The following WARS2 variants were observed in gnomAD, a reference collection of about 807,000 sequenced individuals.
WARS2 encodes tryptophanyl tRNA synthetase 2, mitochondrial, also known as tryptophan--tRNA ligase, mitochondrial.
WARS2 carries 28 observed loss-of-function variants against 36.5 expected under a neutral mutation model. The observed-to-expected ratio is 0.77, with a 90% CI of 0.57 to 1.05. The LOEUF (loss-of-function observed/expected upper bound fraction) is 1.05. WARS2 is among the 50% of genes least tolerant of loss of function. The pLI is 0.00. For missense variants in WARS2, 435 were observed against 456.8 expected (o/e 0.95, Z 0.44); for synonymous variants, 174 against 178.4 (o/e 0.98, Z 0.20).
intron 1 of WARS2, among the ~76,000 whole-genome samples, chr1:119,099,555 TC>T (rs1206211147): frequency 6.6e-6 from 1 of 152,218 alleles, no homozygotes; most frequent in Non-Finnish European, 1.5e-5. Context: ...AACGCTTTGG[TC>T]TTACTAATGT....
At chr1:119,098,227 C>G (rs587706497) in intron 1 of WARS2, among the ~76,000 whole-genome samples, 48 of 152,096 alleles carry the variant, frequency 3.2e-4, no homozygotes, top group Admixed American at 5.9e-4. Flanking sequence ...CCAACCAGGG[C>G]AGCAGAGCGA....
Position 119,134,319 on chromosome 1 carries a change from C to CAAAAAAA in WARS2, c.90+6229_90+6235dup, listed in dbSNP as rs761321480. On this transcript the variant is annotated intron_variant, in intron 1 of 5. Transcript: ENST00000235521. ...CTCTGCTTTTTAGGAGGCAAAGGGG[C>CAAAAAAA]AAAAAAAAAAAAAAAAAAAAAACAA... Among the ~76,000 whole-genome samples the CAAAAAAA allele has an allele frequency of 7.6e-4, 50 of 65,782 alleles. 2 individuals are homozygous for CAAAAAAA. Among genetic ancestry groups the CAAAAAAA allele is most frequent in the Non-Finnish European group, 8.3e-4 (31 of 37,216 alleles). 43.2% of individuals were successfully genotyped at this position (65,782 alleles called of 152,430 possible). A position where few individuals can be genotyped will look rare whatever the true frequency, so the allele number is the denominator to read the frequency against.
At position 119,041,868 on chromosome 1, in the gene WARS2, T is replaced by C. The variant is rs114473032; in HGVS notation, c.515+396A>G. 4.3e-3 allele frequency among the ~76,000 whole-genome samples: 657 copies of C among 152,326 alleles called. 5 individuals are homozygous for C. The highest frequency in any genetic ancestry group is 0.015 in the African/African-American group (614 of 41,582). On this transcript the variant is annotated intron_variant, in intron 4 of 5. Coordinates refer to ENST00000235521, the MANE Select transcript of WARS2 (RefSeq NM_015836.4). The stretch of plus-strand genomic sequence containing the variant: ...AAATCCTGGCTCCAAGCCTTGCTAA[T>C]TACATGACTTTGGGCATGCTATTAA...
In WARS2 at chr1:119,140,598, A is replaced by G. The variant is rs1204105967; in HGVS notation, c.47T>C (p.Ile16Thr). The change falls in exon 1 of 6, where the codon ATC (isoleucine) becomes ACC (threonine). Residue 16 changes from isoleucine to threonine, a missense_variant. Coordinates refer to ENST00000235521, the MANE Select transcript of WARS2 (RefSeq NM_015836.4). ...MRKARERWSF[I>T]RALHKGSAAA... ...TGCGGATCCCTTATGAAGTGCCCGG[A>G]TGAAGCTCCAGCGCTCACGCGCTTT... 4.3e-6 allele frequency: 7 copies of G among 1,613,848 alleles called. No homozygotes were observed. In the Admixed American group the frequency reaches 1.0e-4, roughly 23 times the overall value.
intron 1 of WARS2, among the ~76,000 whole-genome samples, chr1:119,123,081 T>C (rs888857192): frequency 1.3e-5 from 2 of 152,106 alleles, no homozygotes; most frequent in African/African-American, 4.8e-5. Context: ...TCAAAGGAAA[T>C]AGTGACCACA....
chr1:119,102,065 G>C (rs1257501810), intron 1 of WARS2, among the ~76,000 whole-genome samples: 1 of 150,590 alleles, frequency 6.6e-6, no homozygotes, highest in African/African-American at 2.4e-5. Flanking sequence ...GGTGGCGGTG[G>C]GGGTTGGGGG....
At chr1:119,127,082 A>G (rs1025067941) in intron 1 of WARS2, 1 of 755,064 alleles carries the variant, frequency 1.3e-6, no homozygotes, top group Non-Finnish European at 2.4e-6. Context: ...AATCAGTAAG[A>G]CTCACTTCAA....
intron 2 of WARS2, among the ~76,000 whole-genome samples, chr1:119,053,725 G>A (rs897619602): frequency 2.0e-5 from 3 of 152,130 alleles, no homozygotes; most frequent in Non-Finnish European, 2.9e-5. Flanking sequence ...CATATGTCTG[G>A]CAAGCAGTTA....
intron 2 of WARS2, among the ~76,000 whole-genome samples, chr1:119,060,214 G>C (rs902162670): frequency 2.0e-5 from 3 of 152,210 alleles, no homozygotes; most frequent in African/African-American, 7.2e-5. Flanking sequence ...AAGTACCATA[G>C]ACTGGGCTGC....
intron 1 of WARS2, among the ~76,000 whole-genome samples, chr1:119,090,114 T>C (rs1571343770): frequency 6.6e-6 from 1 of 151,522 alleles, no homozygotes; most frequent in East Asian, 1.9e-4. Context: ...ACATGTAGCC[T>C]TGAACTTTAA....
At chr1:119,066,541 T>C (rs1650892039) in intron 2 of WARS2, among the ~76,000 whole-genome samples, 1 of 145,548 alleles carries the variant, frequency 6.9e-6, no homozygotes, top group African/African-American at 2.6e-5. Flanking sequence ...TAACAAAGGA[T>C]TGGTACTCAG....
chr1:119,074,557 A>G (rs1206151285), intron 2 of WARS2, among the ~76,000 whole-genome samples: 1 of 152,194 alleles, frequency 6.6e-6, no homozygotes, highest in Non-Finnish European at 1.5e-5. Context: ...AACTATAAGG[A>G]ATGAAGTTGA....
chr1:119,099,938 A>G lies in WARS2; in HGVS notation c.91-23331T>C, dbSNP rs75739441. 9.5e-3 allele frequency among the ~76,000 whole-genome samples: 1,445 copies of G among 152,310 alleles called. 31 individuals are homozygous for G. The highest frequency in any genetic ancestry group is 0.034 in the African/African-American group (1,399 of 41,570). ...CTCAAATGCACAGGCAACAAACCCA[A>G]AAATAGACAAGTAGGACCTAATTAA... On this transcript the variant is annotated intron_variant, in intron 1 of 5. Coordinates refer to ENST00000235521, the MANE Select transcript of WARS2 (RefSeq NM_015836.4).
At chr1:119,042,885 C>G (rs141335058) in intron 3 of WARS2, among the ~76,000 whole-genome samples, 1 of 152,140 alleles carries the variant, frequency 6.6e-6, no homozygotes, top group Non-Finnish European at 1.5e-5. Context: ...GAGAAATATT[C>G]ATCTAACCAA....
chr1:119,049,413 A>G (rs1649147117), intron 2 of WARS2, among the ~76,000 whole-genome samples: 1 of 152,122 alleles, frequency 6.6e-6, no homozygotes, highest in Non-Finnish European at 1.5e-5. Flanking sequence ...CCCAGGTTTC[A>G]GTCTTTGTTT....
In WARS2 at chr1:119,057,793, GA is replaced by G. The variant is rs914039403; in HGVS notation, c.349-12132del. On this transcript the variant is annotated intron_variant, in intron 2 of 5. Transcript: ENST00000235521. ...TGCAGAGCAAGACTCCATCTGAGAA[GA>G]AAAAAAAAAGAAAAAAAATTAGGTT... is the stretch of plus-strand genomic sequence containing the variant. Among the ~76,000 whole-genome samples the G allele has an allele frequency of 2.9e-4, 42 of 143,946 alleles. No individual in the cohort carries two copies. The South Asian group carries it at 4.2e-3, about 14-fold the overall frequency. 94.4% of individuals were successfully genotyped at this position (143,946 alleles called of 152,430 possible).
chr1:119,076,221 C>A, intron 2 of WARS2, 129 bp downstream of exon 2: 1 of 1,143,764 alleles, frequency 8.7e-7, no homozygotes, highest in South Asian at 1.6e-5. Flanking sequence ...TGAAAAAAAT[C>A]ACATTTGAAA....
At chr1:119,075,160 A>G (rs1007389601) in intron 2 of WARS2, among the ~76,000 whole-genome samples, 13 of 152,062 alleles carry the variant, frequency 8.5e-5, no homozygotes, top group Admixed American at 8.5e-4. Flanking sequence ...TAGTGTATAT[A>G]TATACATATA....
rs1011241081 is a variant in WARS2, at chr1:119,032,415, A to G, written c.*496T>C. 6.5e-6 allele frequency: 1 copy of G among 153,590 alleles called. No homozygotes were observed. The highest frequency in any genetic ancestry group is 1.4e-5 in the Non-Finnish European group (1 of 69,080). The allele number at this position is 153,590 out of a possible 1,614,324, so 9.5% of individuals were successfully genotyped here. A position where few individuals can be genotyped will look rare whatever the true frequency, so the allele number is the denominator to read the frequency against. On this transcript the variant is annotated 3_prime_UTR_variant, in exon 6 of 6. Coordinates refer to ENST00000235521, the MANE Select transcript of WARS2 (RefSeq NM_015836.4). ...TATTAAATCAGGCACCGTCTCAGTG[A>G]CAAACAAACTATAAGAATGGACTTG...
Sources: gnomAD v4.1 joint callset for allele counts (sites outside exome capture counted in the v4.1 genomes callset) on GRCh38, gnomAD v4.1.1 for gene constraint, MANE v1.5 for transcripts, NCBI Gene and HGNC (gene_info 2026-07-23, HGNC 2026-07-21) for gene names.